The following SEPTIN4 variants were observed in gnomAD, a reference collection of about 807,000 sequenced individuals.
SEPTIN4 encodes septin 4.
SEPTIN4 carries 52 observed loss-of-function variants against 107.1 expected under a neutral mutation model. That is an observed-to-expected ratio of 0.49 (90% CI 0.39 to 0.61). The LOEUF (loss-of-function observed/expected upper bound fraction) is 0.61, where lower values mean the gene tolerates loss of function less well. Ranked by LOEUF, SEPTIN4 falls within the 20% of genes least tolerant of loss-of-function variation. The pLI is 0.00. For synonymous variants in SEPTIN4, 417 were observed against 467.0 expected (o/e 0.89, Z 1.38); for missense variants, 1,048 against 1,243.5 (o/e 0.84, Z 2.36).
At chr17:58,525,852 T>A (rs987062207) in intron 5 of SEPTIN4, 71 bp from the exon 6 acceptor site, 2 of 1,327,316 alleles carry the variant, frequency 1.5e-6, no homozygotes, top group Non-Finnish European at 2.2e-6. Context: ...CTCCACTGGA[T>A]CAAGGTTTAG....
chr17:58,520,652 C>A (rs560714525), intron 13 of SEPTIN4, 91 bp downstream of exon 13: 5 of 1,568,232 alleles, frequency 3.2e-6, no homozygotes, highest in African/African-American at 1.4e-5. Flanking sequence ...AAATATGCAC[C>A]AGAGCCAGGG....
intron 3 of SEPTIN4, chr17:58,528,102 A>T (rs752796667): frequency 5.4e-6 from 5 of 930,234 alleles, no homozygotes; most frequent in African/African-American, 1.8e-5. Context: ...ACAATGGACA[A>T]GGGCCGGCTG....
intron 3 of SEPTIN4, chr17:58,528,396 G>C (rs937031879): frequency 6.6e-6 from 1 of 152,294 alleles, no homozygotes; most frequent in Non-Finnish European, 1.5e-5. Flanking sequence ...CTGGACAGAG[G>C]GGAGGAAAAG....
chr17:58,543,647 C>A lies in SEPTIN4; in HGVS notation c.540G>T (p.Lys180Asn). The A allele has an allele frequency of 3.1e-6, 5 of 1,614,162 alleles. No homozygotes were observed. The highest frequency in any genetic ancestry group is 4.2e-6 in the Non-Finnish European group (5 of 1,180,032). ...CTCTGACTCCTTGGGGGTTCTGGACCTTGGATGGTGGGTCATCTTCTAAGA... is the reference window on the plus strand; with the variant it reads ...CTCTGACTCCTTGGGGGTTCTGGACATTGGATGGTGGGTCATCTTCTAAGA... ...SQILEDDPPSKVQNPQGVRVP... is the reference protein window; with the variant it reads ...SQILEDDPPSNVQNPQGVRVP... Residue 180 changes from lysine to asparagine, a missense_variant, in exon 1 of 14, where the codon AAG (lysine) becomes AAT (asparagine). This residue lies in a region of SEPTIN4 where 787 missense variants were observed against 871.8 expected (regional missense o/e 0.90). Transcript: ENST00000672673.
chr17:58,540,794 G>T, intron 2 of SEPTIN4, 121 bp from the exon 3 acceptor site: 7 of 1,063,446 alleles, frequency 6.6e-6, no homozygotes, highest in Non-Finnish European at 7.3e-6. Flanking sequence ...GGGCAAACCT[G>T]GCCCAATCCC....
chr17:58,540,820 G>A, intron 2 of SEPTIN4, 147 bp from the exon 3 acceptor site: 1 of 736,678 alleles, frequency 1.4e-6, no homozygotes, highest in Non-Finnish European at 1.9e-6. Flanking sequence ...AGTGCAAGTG[G>A]CCCAAACAAC....
chr17:58,520,691 C>A (rs957270840), intron 13 of SEPTIN4, 52 bp downstream of exon 13: 36 of 1,605,828 alleles, frequency 2.2e-5, no homozygotes, highest in Non-Finnish European at 3.0e-5. Flanking sequence ...AAAGAGATAC[C>A]AACGTTGGTG....
rs2042761733 is a variant in SEPTIN4 at position 58,525,586 on chromosome 17, C to A, written c.2092+109G>T. ...CTATGGAGAGCTGCTGTCAGTCTCT[C>A]TAGGAGGCCATGGTTTCCTGCATGT... On this transcript the variant is annotated intron_variant, in intron 6 of 13. Transcript: ENST00000672673. 1.0e-5 allele frequency: 10 copies of A among 972,728 alleles called. No homozygotes were observed. The South Asian group carries it at 1.3e-4, about 12-fold the overall frequency. 60.3% of individuals were successfully genotyped at this position (972,728 alleles called of 1,614,324 possible).
At chr17:58,540,581 C>T (rs960475942) in intron 3 of SEPTIN4, 85 bp downstream of exon 3, 2 of 1,102,588 alleles carry the variant, frequency 1.8e-6, no homozygotes, top group African/African-American at 1.6e-5. Context: ...CCTCCATGCC[C>T]ACTCCCATTA....
chr17:58,525,162 A>G lies in SEPTIN4; in HGVS notation c.2132T>C (p.Val711Ala), dbSNP rs112657072. ...CCTCACACCCTTCTCTTCTATGTCCACTGCATGCTTAGTGATCTCCACAGT... is the reference window on the plus strand; with the variant it reads ...CCTCACACCCTTCTCTTCTATGTCCGCTGCATGCTTAGTGATCTCCACAGT... ...MQTVEITKHA[V>A]DIEEKGVRLR... is the part of the protein sequence containing the mutation. Residue 711 changes from valine (V) to alanine (A), a missense_variant, in exon 7 of 14, where the codon GTG (valine) becomes GCG (alanine). Transcript: ENST00000672673. The G allele has an allele frequency of 1.5e-4, 249 of 1,614,016 alleles. No individual in the cohort carries two copies. The highest frequency in any genetic ancestry group is 1.9e-4 in the Non-Finnish European group (230 of 1,180,028).
chr17:58,543,178 T>C lies in SEPTIN4; in HGVS notation c.1009A>G (p.Ile337Val). ...GNSEVGRRVTISPGVQSVEPT... is the reference protein window; with the variant it reads ...GNSEVGRRVTVSPGVQSVEPT... ...TCTACTGACTGTACCCCTGGGGAGA[T>C]GGTGACCCTGCGGCCAACCTCGCTG... The change falls in exon 1 of 14, where the codon ATC becomes GTC. Residue 337 changes from isoleucine to valine, a missense_variant. Physicochemically the swap from Ile to Val is conservative, Grantham distance 29. This residue lies in a region of SEPTIN4 where 787 missense variants were observed against 871.8 expected (regional missense o/e 0.90). Coordinates refer to ENST00000672673, the MANE Select transcript of SEPTIN4 (RefSeq NM_001368771.2). The C allele has an allele frequency of 6.2e-7, 1 of 1,614,068 alleles. No individual in the cohort carries two copies. The highest frequency in any genetic ancestry group is 8.5e-7 in the Non-Finnish European group (1 of 1,179,978).
At chr17:58,535,526 C>T (rs939430188) in intron 3 of SEPTIN4, among the ~76,000 whole-genome samples, 3 of 152,242 alleles carry the variant, frequency 2.0e-5, no homozygotes, top group African/African-American at 7.2e-5. Context: ...AACAACTGCC[C>T]TTCAACCTTT....
chr17:58,525,129 A>T lies in SEPTIN4; in HGVS notation c.2165T>A (p.Leu722His). 7 of 1,614,208 alleles carry T rather than the reference A, an allele frequency of 4.3e-6. No homozygotes were observed. Among genetic ancestry groups the T allele is most frequent in the Non-Finnish European group, 5.9e-6 (7 of 1,180,028 alleles). Residue 722 changes from leucine (L) to histidine (H), a missense_variant, in exon 7 of 14, where the codon CTC (leucine) becomes CAC (histidine). Leu to His is a moderately conservative substitution (Grantham distance 99). Coordinates refer to ENST00000672673, the MANE Select transcript of SEPTIN4 (RefSeq NM_001368771.2). ...DIEEKGVRLRLTIVDTPGFGD... is the reference protein window; with the variant it reads ...DIEEKGVRLRHTIVDTPGFGD... ...AAAACCTGGTGTGTCCACAATGGTG[A>T]GCCGCAGCCTCACACCCTTCTCTTC...
Position 58,526,803 on chromosome 17 carries a change from C to T in SEPTIN4, c.1790G>A (p.Arg597Lys). The T allele has an allele frequency of 6.2e-7, 1 of 1,613,720 alleles. No homozygotes were observed. The highest frequency in any genetic ancestry group is 8.5e-7 in the Non-Finnish European group (1 of 1,179,904). ...PDLYDDDLEF[R>K]PPSRPQSSDN... ...AGAGGACTGGGGCCGCGAGGGGGGTCTGAACTCCAGGTCATCATCATAGAG... is the reference window on the plus strand; with the variant it reads ...AGAGGACTGGGGCCGCGAGGGGGGTTTGAACTCCAGGTCATCATCATAGAG... Residue 597 changes from arginine (R) to lysine (K), a missense_variant, in exon 4 of 14, where the codon AGA becomes AAA. Physicochemically the swap from Arg to Lys is conservative, Grantham distance 26 (BLOSUM62 2). Coordinates refer to ENST00000672673, the MANE Select transcript of SEPTIN4 (RefSeq NM_001368771.2).
chr17:58,526,503 C>T (rs2042891460), intron 4 of SEPTIN4, 179 bp downstream of exon 4: 3 of 1,397,420 alleles, frequency 2.1e-6, no homozygotes, highest in Non-Finnish European at 2.8e-6. Context: ...TTCCAGTGCC[C>T]TTGGGGGCAG....
rs201565797 is a variant in SEPTIN4, at chr17:58,543,566, G to A, written c.621C>T (p.Ile207=). Residue 207 remains isoleucine, a synonymous_variant, in exon 1 of 14, where the codon ATC becomes ATT. Transcript: ENST00000672673. ...TCTCACTAGTAGTCGTAATTCTTTG[G>A]ATGGGCTCAGTTTGTACTGCTTCAT... is the stretch of plus-strand genomic sequence containing the variant. ...PKDEAVQTEP[I]QRITTTSEIR... The A allele has an allele frequency of 6.1e-4, 984 of 1,614,054 alleles. No homozygotes were observed. Among genetic ancestry groups the A allele is most frequent in the Non-Finnish European group, 7.8e-4 (919 of 1,180,042 alleles).
chr17:58,534,902 G>A (rs1392475934), intron 3 of SEPTIN4, among the ~76,000 whole-genome samples: 1 of 152,232 alleles, frequency 6.6e-6, no homozygotes, highest in Admixed American at 6.5e-5. Context: ...GTTCAAAGCC[G>A]ATAATAAAGA....
chr17:58,539,872 A>G (rs2043829280), intron 3 of SEPTIN4, among the ~76,000 whole-genome samples: 1 of 152,090 alleles, frequency 6.6e-6, no homozygotes, highest in Non-Finnish European at 1.5e-5. Flanking sequence ...TTGGATAAGA[A>G]CCCATGGCAG....
rs1486778278 is a variant in SEPTIN4 at position 58,521,562 on chromosome 17, G to C, written c.2554C>G (p.Gln852Glu). 6.8e-6 allele frequency: 11 copies of C among 1,614,110 alleles called. No individual in the cohort carries two copies. Among genetic ancestry groups the C allele is most frequent in the Middle Eastern group, 1.6e-4 (1 of 6,084 alleles). The change falls in exon 10 of 14, where the codon CAG becomes GAG. Residue 852 changes from glutamine to glutamate, a missense_variant. Coordinates refer to ENST00000672673, the MANE Select transcript of SEPTIN4 (RefSeq NM_001368771.2). The surrounding 1 kb of genome is among the most constrained non-coding windows in gnomAD (Gnocchi z 6.4). ...GGCCCCACCTTTAGGGCTTGGTCCT[G>C]CAATTTGAAGTCCTCATCCTCATCA... is the stretch of plus-strand genomic sequence containing the variant. Reference protein sequence around the residue: ...DSDEDEDFKLQDQALKESIPF... With the variant: ...DSDEDEDFKLEDQALKESIPF...
Sources: gnomAD v4.1 joint callset for allele counts (sites outside exome capture counted in the v4.1 genomes callset) on GRCh38, gnomAD v4.1.1 for gene constraint, gnomAD v4.1.1 regional missense constraint, Gnocchi (gnomAD v3.1) non-coding constraint, MANE v1.5 for transcripts, NCBI Gene and HGNC (gene_info 2026-07-23, HGNC 2026-07-21) for gene names.